Variants in KMT2A observed in about 807,000 individuals in gnomAD.
The protein encoded by KMT2A is lysine methyltransferase 2A, also known as histone-lysine N-methyltransferase 2A.
A neutral mutation model predicts 345.3 loss-of-function variants in KMT2A; 16 were observed. The ratio of observed to expected loss-of-function variants is 0.05; its 90% confidence interval spans 0.03 to 0.07. KMT2A has a LOEUF of 0.07. KMT2A is among the 10% of genes least tolerant of loss of function. The pLI is 1.00. For synonymous variants in KMT2A, 1,599 were observed against 1,778.6 expected, an observed-to-expected ratio of 0.90 and a Z score of 2.54; for missense variants, 3,272 against 4,841.6, an observed-to-expected ratio of 0.68 and a Z score of 9.62.
chr11:118,466,853 CT>C (rs1293178532), intron 1 of KMT2A, among the ~76,000 whole-genome samples: 1 of 151,794 alleles, frequency 6.6e-6, no homozygotes, highest in Admixed American at 6.6e-5. Context: ...AAAAAAAGAA[CT>C]TACGTGTAAG....
At chr11:118,507,768 T>A in intron 28 of KMT2A, 159 bp downstream of exon 28, 1 of 585,942 alleles carries the variant, frequency 1.7e-6, no homozygotes, top group South Asian at 1.9e-5. Flanking sequence ...GAGACCATCC[T>A]GGCTAACATG....
chr11:118,442,007 A>G (rs780783879), intron 1 of KMT2A, among the ~76,000 whole-genome samples: 2 of 152,216 alleles, frequency 1.3e-5, no homozygotes, highest in Admixed American at 6.5e-5. Context: ...GCTCAGAGGC[A>G]TAACAGACTG....
At position 118,472,676 on chromosome 11, in the gene KMT2A, C is replaced by T. The variant is rs936693402; in HGVS notation, c.1517C>T (p.Thr506Ile). Residue 506 changes from threonine (T) to isoleucine (I), a missense_variant, in exon 3 of 36, where the codon ACC (threonine) becomes ATC (isoleucine). Coordinates refer to ENST00000534358, the MANE Select transcript of KMT2A (RefSeq NM_001197104.2). Reference protein sequence around the residue: ...IQVLPEERSDTPEVHPPLPIS... With the variant: ...IQVLPEERSDIPEVHPPLPIS... ...GTACTTCCTGAGGAGCGGAGCGATA[C>T]CCCTGAAGTTCATCCTCCACTGCCC... is the stretch of plus-strand genomic sequence containing the variant. 1 of 1,613,104 alleles carries T rather than the reference C, an allele frequency of 6.2e-7. No homozygotes were observed. Among genetic ancestry groups the T allele is most frequent in the Non-Finnish European group, 8.5e-7 (1 of 1,179,826 alleles).
At chr11:118,444,699 A>G (rs1262881900) in intron 1 of KMT2A, among the ~76,000 whole-genome samples, 9 of 152,132 alleles carry the variant, frequency 5.9e-5, no homozygotes, top group African/African-American at 1.9e-4. Context: ...TCAGCCTCCT[A>G]AGTAGCTGGG....
Position 118,522,043 on chromosome 11 carries a change from C to G in KMT2A, c.11790C>G (p.Val3930=). ...VINIDGQKHI[V]IFAMRKIYRG... ...ATATTGATGGGCAGAAGCACATTGT[C>G]ATCTTTGCCATGCGTAAGATCTACC... Residue 3930 remains valine, a synonymous_variant, in exon 36 of 36, where the codon GTC becomes GTG. Coordinates refer to ENST00000534358, the MANE Select transcript of KMT2A (RefSeq NM_001197104.2). The surrounding 1 kb of genome is among the most constrained non-coding windows in gnomAD (Gnocchi z 5.4). 1 of 1,614,214 alleles carries G rather than the reference C, an allele frequency of 6.2e-7. No individual in the cohort carries two copies.
In KMT2A at chr11:118,473,393, G is replaced by T; in HGVS notation, c.2234G>T (p.Arg745Leu). 1 of 1,614,134 alleles carries T rather than the reference G, an allele frequency of 6.2e-7. No homozygotes were observed. The highest frequency in any genetic ancestry group is 2.2e-5 in the East Asian group (1 of 44,884). The stretch of plus-strand genomic sequence containing the variant: ...AAAAGAAAAGTGTTTAGTCCTATTC[G>T]ATCTGAACCAAGATCTCCTTCTCAC... ...KRKRKVFSPI[R>L]SEPRSPSHSM... The change falls in exon 3 of 36, where the codon CGA becomes CTA. Residue 745 changes from arginine to leucine, a missense_variant. Coordinates refer to ENST00000534358, the MANE Select transcript of KMT2A (RefSeq NM_001197104.2). The surrounding 1 kb of genome is among the most constrained non-coding windows in gnomAD (Gnocchi z 5.2).
rs782321171 is a variant in KMT2A, at chr11:118,501,712, A to G, written c.6360A>G (p.Ile2120Met). 6.2e-7 allele frequency: 1 copy of G among 1,613,856 alleles called. No homozygotes were observed. Among genetic ancestry groups the G allele is most frequent in the Non-Finnish European group, 8.5e-7 (1 of 1,179,884 alleles). ...SKESQNTAEIISPPSPDRPPH... is the reference protein window; with the variant it reads ...SKESQNTAEIMSPPSPDRPPH... ...AGAGTCAAAACACAGCTGAAATTAT[A>G]AGTCCTCCATCACCAGACCGACCTC... is the stretch of plus-strand genomic sequence containing the variant. Residue 2120 changes from isoleucine (I) to methionine (M), a missense_variant, in exon 26 of 36, where the codon ATA becomes ATG. Physicochemically the swap from Ile to Met is conservative, Grantham distance 10. Coordinates refer to ENST00000534358, the MANE Select transcript of KMT2A (RefSeq NM_001197104.2).
At position 118,459,942 on chromosome 11, in the gene KMT2A, G is replaced by A. The variant is rs375465696; in HGVS notation, c.433-8833G>A. ...ACTCCTGACCTCAAGTGATCTGCCT[G>A]CCTTGGCCTCCCAAAGTGCTGGGAT... On this transcript the variant is annotated intron_variant, in intron 1 of 35. Coordinates refer to ENST00000534358, the MANE Select transcript of KMT2A (RefSeq NM_001197104.2). 7.2e-5 allele frequency among the ~76,000 whole-genome samples: 11 copies of A among 152,042 alleles called. No homozygotes were observed. In the East Asian group the frequency reaches 2.1e-3, roughly 30 times the overall value.
intron 5 of KMT2A, among the ~76,000 whole-genome samples, chr11:118,479,965 C>T (rs534715283): frequency 6.6e-6 from 1 of 152,236 alleles, no homozygotes; most frequent in East Asian, 1.9e-4. Flanking sequence ...TTGATATTTG[C>T]TCCTTTTAGA....
chr11:118,464,641 G>T (rs955819717), intron 1 of KMT2A, among the ~76,000 whole-genome samples: 8 of 152,026 alleles, frequency 5.3e-5, no homozygotes, highest in Admixed American at 5.2e-4. Context: ...AGCATTCAAT[G>T]GAAATTTTAA....
chr11:118,480,785 C>G (rs1168745940), intron 6 of KMT2A, among the ~76,000 whole-genome samples: 2 of 152,094 alleles, frequency 1.3e-5, no homozygotes, highest in Admixed American at 1.3e-4. Flanking sequence ...ACCTCAGCCT[C>G]CCTAGTAGCT....
At chr11:118,487,635 C>T (rs1274151361) in intron 10 of KMT2A, among the ~76,000 whole-genome samples, 1 of 152,136 alleles carries the variant, frequency 6.6e-6, no homozygotes, top group African/African-American at 2.4e-5. Flanking sequence ...AAGTTGCAGA[C>T]ATAAACCATT....
At chr11:118,515,202 A>G (rs1950784877) in intron 31 of KMT2A, among the ~76,000 whole-genome samples, 1 of 152,232 alleles carries the variant, frequency 6.6e-6, no homozygotes. Context: ...ATATCAGCAT[A>G]ACATGGTTGA....
chr11:118,475,261 GT>G (rs1277408951), intron 3 of KMT2A, among the ~76,000 whole-genome samples: 17 of 147,888 alleles, frequency 1.1e-4, no homozygotes, highest in African/African-American at 2.0e-4. Context: ...CAGCATTTTT[GT>G]TTTTTTTTTA....
Position 118,491,946 on chromosome 11 carries a change from T to A in KMT2A, c.5004+18T>A. Reference sequence around the variant, plus strand: ...ACCGGCAGGTAGGCCAAGTCTCATTTTTTTCTGAGAGCTTGTTCTTAGGTA... The same window carrying A: ...ACCGGCAGGTAGGCCAAGTCTCATTATTTTCTGAGAGCTTGTTCTTAGGTA... On this transcript the variant is annotated intron_variant, in intron 15 of 35. Coordinates refer to ENST00000534358, the MANE Select transcript of KMT2A (RefSeq NM_001197104.2). The surrounding 1 kb of genome is among the most constrained non-coding windows in gnomAD (Gnocchi z 4.2). 6.3e-7 allele frequency: 1 copy of A among 1,594,634 alleles called. No individual in the cohort carries two copies. The highest frequency in any genetic ancestry group is 1.1e-5 in the South Asian group (1 of 90,226).
rs9332843 is a variant in KMT2A, at chr11:118,506,101, G to A, written c.10209G>A (p.Pro3403=). 1.7e-3 allele frequency: 2,808 copies of A among 1,614,092 alleles called. 39 individuals are homozygous for A. The African/African-American group carries it at 0.028, about 16-fold the overall frequency. Residue 3403 remains proline, a synonymous_variant, in exon 27 of 36, where the codon CCG becomes CCA. Coordinates refer to ENST00000534358, the MANE Select transcript of KMT2A (RefSeq NM_001197104.2). ...LGIQDQPVAL[P]PSSGMFPQLG... Reference sequence around the variant, plus strand: ...TTCAGGACCAGCCTGTGGCTTTACCGCCAAGTTCAGGAATGTTTCCACAAC... The same window carrying A: ...TTCAGGACCAGCCTGTGGCTTTACCACCAAGTTCAGGAATGTTTCCACAAC...
chr11:118,462,103 G>A (rs145356539), intron 1 of KMT2A, among the ~76,000 whole-genome samples: 14 of 152,194 alleles, frequency 9.2e-5, no homozygotes, highest in Admixed American at 7.2e-4. Flanking sequence ...ACAGGCGCGT[G>A]CCACCATAAC....
chr11:118,500,561 T>C (rs1405129716), intron 24 of KMT2A: 3 of 155,806 alleles, frequency 1.9e-5, no homozygotes, highest in Non-Finnish European at 2.8e-5. Context: ...GCAGTTACAT[T>C]TCTCTTGTCT....
At position 118,489,791 on chromosome 11, in the gene KMT2A, G is replaced by T. The variant is rs781982199; in HGVS notation, c.4480-1G>T. On this transcript the variant is annotated splice_acceptor_variant, in intron 11 of 35. Coordinates refer to ENST00000534358, the MANE Select transcript of KMT2A (RefSeq NM_001197104.2). LOFTEE classifies it high-confidence loss of function. The stretch of plus-strand genomic sequence containing the variant: ...CTTTTTGCCATTATATTTTCTTACA[G>T]CAGCTGCTGGAGTGTAATAAGTGCC... 1.2e-6 allele frequency: 2 copies of T among 1,613,608 alleles called. No homozygotes were observed. Among genetic ancestry groups the T allele is most frequent in the Admixed American group, 3.3e-5 (2 of 59,998 alleles).
Sources: allele counts gnomAD v4.1 joint callset (sites outside exome capture counted in the v4.1 genomes callset), GRCh38; gene constraint gnomAD v4.1.1; non-coding constraint Gnocchi (gnomAD v3.1); transcripts MANE v1.5; gene names NCBI Gene and HGNC (gene_info 2026-07-23, HGNC 2026-07-21).